DEPDC4: variants seen among roughly 807,000 people sequenced by gnomAD.
DEPDC4 encodes the protein DEP domain containing 4.
A neutral mutation model predicts 52.0 loss-of-function variants in DEPDC4; 52 were observed. That is an observed-to-expected ratio of 1.00 (90% CI 0.80 to 1.26). The LOEUF is 1.26. Among genes scored for constraint, DEPDC4 ranks in the 50% most tolerant of loss-of-function variants. DEPDC4 has a pLI of 0.00. For missense variants in DEPDC4, 530 were observed against 546.9 expected (o/e 0.97, Z 0.31); for synonymous variants, 201 against 196.8 (o/e 1.02, Z -0.18).
At chr12:100,247,933 G>GA (rs886162502) in intron 8 of DEPDC4, among the ~76,000 whole-genome samples, 4 of 151,732 alleles carry the variant, frequency 2.6e-5, no homozygotes, top group Non-Finnish European at 4.4e-5. Context: ...TCTTTTTAAA[G>GA]AAAAAAAATC....
chr12:100,251,714 C>T (rs973096732), intron 7 of DEPDC4, among the ~76,000 whole-genome samples: 14 of 151,842 alleles, frequency 9.2e-5, no homozygotes, highest in East Asian at 3.9e-4. Flanking sequence ...ATTACAGGCA[C>T]GCGCCACCAC....
chr12:100,245,587 A>G (rs2096181756), intron 8 of DEPDC4, among the ~76,000 whole-genome samples: 1 of 152,210 alleles, frequency 6.6e-6, no homozygotes, highest in South Asian at 2.1e-4. Context: ...TTCGTAACCC[A>G]CAAGTGAAAT....
At chr12:100,281,272 A>C in the DEPDC4 span, among the ~76,000 whole-genome samples, 1 of 151,622 alleles carries the variant, frequency 6.6e-6, no homozygotes, top group Non-Finnish European at 1.5e-5. Flanking sequence ...CAAGTGATCC[A>C]CCTCCATCAG....
chr12:100,244,120 T>C (rs1158779357), intron 8 of DEPDC4, among the ~76,000 whole-genome samples: 1 of 117,278 alleles, frequency 8.5e-6, no homozygotes, highest in Non-Finnish European at 1.7e-5. Flanking sequence ...TATATATATA[T>C]ATATATATAT....
At chr12:100,246,837 C>T (rs538842870) in intron 8 of DEPDC4, among the ~76,000 whole-genome samples, 1 of 152,000 alleles carries the variant, frequency 6.6e-6, no homozygotes, top group African/African-American at 2.4e-5. Flanking sequence ...ACTTGGGAGG[C>T]TGAGGCAGGA....
intron 9 of DEPDC4, among the ~76,000 whole-genome samples, chr12:100,234,300 G>T (rs1319346186): frequency 6.6e-6 from 1 of 152,158 alleles, no homozygotes; most frequent in African/African-American, 2.4e-5. Flanking sequence ...ATGGCCAAGT[G>T]GTGGGAATTT....
chr12:100,280,984 G>A, the DEPDC4 span, among the ~76,000 whole-genome samples: 1 of 134,540 alleles, frequency 7.4e-6, no homozygotes, highest in East Asian at 2.2e-4. Context: ...CTGACTGTAT[G>A]CTTATGTGTA....
intron 8 of DEPDC4, among the ~76,000 whole-genome samples, chr12:100,245,730 T>G (rs1346181924): frequency 6.6e-6 from 1 of 152,210 alleles, no homozygotes; most frequent in African/African-American, 2.4e-5. Context: ...CCAGGATTGC[T>G]TCCAGTCCTC....
In DEPDC4 at chr12:100,265,703, A is replaced by G. The variant is rs563372355; in HGVS notation, c.157+1217T>C. 3.3e-5 allele frequency among the ~76,000 whole-genome samples: 5 copies of G among 152,372 alleles called. No homozygotes were observed. In the South Asian group the frequency reaches 8.3e-4, roughly 25 times the overall value. On this transcript the variant is annotated intron_variant, in intron 1 of 9. Transcript: ENST00000550587. The stretch of plus-strand genomic sequence containing the variant: ...TATGTTTATAGTGTGCAAGGATCTC[A>G]TTAAGTAGGGAAAAAGAAAAACCCA...
In DEPDC4 at chr12:100,253,706, G is replaced by GTTATCGA; in HGVS notation, c.881_887dup (p.Trp297ArgfsTer2). ...AGCATTCAATTGCTGCATTAAGCCA[G>GTTATCGA]TTATCGATTCTAGAGGGAAAATGCA... On this transcript the variant is annotated stop_gained and frameshift_variant, in exon 5 of 10. Coordinates refer to ENST00000550587, the MANE Select transcript of DEPDC4 (RefSeq NM_001364818.2). LOFTEE classifies it high-confidence loss of function. 3.1e-6 allele frequency: 4 copies of GTTATCGA among 1,287,560 alleles called. No individual in the cohort carries two copies. Among genetic ancestry groups the GTTATCGA allele is most frequent in the Non-Finnish European group, 4.0e-6 (4 of 987,708 alleles). The allele number at this position is 1,287,560 out of a possible 1,614,324, so 79.8% of individuals were successfully genotyped here.
rs1370524271 is a variant in DEPDC4 at position 100,241,529 on chromosome 12, T to C, written c.*363A>G. ...CCTGGGCAACATAATAGGACCCCTG[T>C]CTCTACAAAATAAAAATAAAAAATA... On this transcript the variant is annotated 3_prime_UTR_variant, in exon 10 of 10. Coordinates refer to ENST00000550587, the MANE Select transcript of DEPDC4 (RefSeq NM_001364818.2). 2.0e-6 allele frequency: 1 copy of C among 506,408 alleles called. No homozygotes were observed. Among genetic ancestry groups the C allele is most frequent in the Non-Finnish European group, 2.8e-6 (1 of 361,626 alleles). The allele number at this position is 506,408 out of a possible 1,614,324, so 31.4% of individuals were successfully genotyped here.
Position 100,252,659 on chromosome 12 carries a change from A to G in DEPDC4, c.1106-123T>C, listed in dbSNP as rs529406050. ...ATTAGTTTGCAGGTTCTTTTCTACAATTAAAATTTTTTATTATGGAATATT... is the reference window on the plus strand; with the variant it reads ...ATTAGTTTGCAGGTTCTTTTCTACAGTTAAAATTTTTTATTATGGAATATT... On this transcript the variant is annotated intron_variant, in intron 5 of 9. Coordinates refer to ENST00000550587, the MANE Select transcript of DEPDC4 (RefSeq NM_001364818.2). The G allele has an allele frequency of 2.5e-4, 234 of 931,352 alleles. 4 individuals are homozygous for G. The South Asian group carries it at 5.3e-3, about 21-fold the overall frequency. The allele number at this position is 931,352 out of a possible 1,614,324, so 57.7% of individuals were successfully genotyped here.
the DEPDC4 span, among the ~76,000 whole-genome samples, chr12:100,280,839 C>T: frequency 2.0e-5 from 3 of 151,998 alleles, no homozygotes; most frequent in Non-Finnish European, 4.4e-5. Context: ...TGGTCCCAAG[C>T]ATTTAGGATA....
In DEPDC4 at chr12:100,262,289, TTTC is replaced by T. The variant is rs1171476092; in HGVS notation, c.672_674del (p.Lys225del). On this transcript the variant is annotated inframe_deletion, in exon 3 of 10. Transcript: ENST00000550587. The stretch of plus-strand genomic sequence containing the variant: ...CTTCTTTTGAAAGCCGGAGAAAAGG[TTTC>T]TGAACTGTGATATTTGGACATAAAG... The T allele has an allele frequency of 6.2e-7, 1 of 1,609,630 alleles. No individual in the cohort carries two copies. Among genetic ancestry groups the T allele is most frequent in the African/African-American group, 1.3e-5 (1 of 74,606 alleles).
At chr12:100,269,164 A>T (rs1195290740), upstream of DEPDC4, among the ~76,000 whole-genome samples, 1 of 152,168 alleles carries the variant, frequency 6.6e-6, no homozygotes, top group African/African-American at 2.4e-5. Context: ...ACACATTAAC[A>T]TGCCCTACAA....
intron 8 of DEPDC4, among the ~76,000 whole-genome samples, chr12:100,243,232 G>C (rs915198784): frequency 6.6e-6 from 1 of 151,966 alleles, no homozygotes; most frequent in African/African-American, 2.4e-5. Flanking sequence ...CAGATAAAAG[G>C]GGGGGTACTG....
chr12:100,250,367 C>T (rs1279305135), intron 7 of DEPDC4, among the ~76,000 whole-genome samples: 6 of 152,158 alleles, frequency 3.9e-5, no homozygotes, highest in African/African-American at 1.4e-4. Context: ...AGGTGTCCAC[C>T]ACCATGCCTG....
downstream of DEPDC4, among the ~76,000 whole-genome samples, chr12:100,237,085 G>A (rs963542446): frequency 6.6e-6 from 1 of 152,056 alleles, no homozygotes. Flanking sequence ...GGTGACTATG[G>A]CCTTATAGTA....
Position 100,262,365 on chromosome 12 carries a change from C to A in DEPDC4, c.599G>T (p.Gly200Val). ...MISNPLAQEIGEERIEELIHT... is the reference protein window; with the variant it reads ...MISNPLAQEIVEERIEELIHT... ...AATAAGTTCCTCAATTCTTTCCTCA[C>A]CAATCTCCTGTGCTAGAGGATTTGA... is the stretch of plus-strand genomic sequence containing the variant. Residue 200 changes from glycine (G) to valine (V), a missense_variant, in exon 3 of 10, where the codon GGT (glycine) becomes GTT (valine). Coordinates refer to ENST00000550587, the MANE Select transcript of DEPDC4 (RefSeq NM_001364818.2). 2.5e-6 allele frequency: 4 copies of A among 1,613,214 alleles called. No homozygotes were observed.
Sources: gnomAD v4.1 joint callset for allele counts (sites outside exome capture counted in the v4.1 genomes callset) on GRCh38, gnomAD v4.1.1 for gene constraint, MANE v1.5 for transcripts, NCBI Gene and HGNC (gene_info 2026-07-23, HGNC 2026-07-21) for gene names.